NCAPD3: variants seen among roughly 807,000 people sequenced by gnomAD.
The protein encoded by NCAPD3 is condensin-2 complex subunit D3.
A neutral mutation model predicts 182.9 loss-of-function variants in NCAPD3; 105 were observed. The ratio of observed to expected loss-of-function variants is 0.57; its 90% CI spans 0.49 to 0.68. NCAPD3 has a LOEUF of 0.68. NCAPD3 is among the 30% of genes least tolerant of loss of function. The pLI is 0.00. For missense variants in NCAPD3, 1,944 were observed against 1,837.0 expected (o/e 1.06, Z -1.07); for synonymous variants, 815 against 679.9 (o/e 1.20, Z -3.09).
In NCAPD3 at chr11:134,172,014, A is replaced by G. The variant is rs1250594360; in HGVS notation, c.3102-2960T>C. Among the ~76,000 whole-genome samples, 3 of 152,160 alleles carry G rather than the reference A, an allele frequency of 2.0e-5. No homozygotes were observed. In the East Asian group the frequency reaches 5.8e-4, roughly 29 times the overall value. On this transcript the variant is annotated intron_variant, in intron 24 of 34. Transcript: ENST00000534548. The stretch of plus-strand genomic sequence containing the variant: ...CAACAAAACCAAACTCATGCCCCTC[A>G]GGAAACCTACACATAGCGTGTGGAC...
At chr11:134,168,271 A>G (rs1672638036) in intron 26 of NCAPD3, 76 bp from the exon 27 acceptor site, 2 of 1,475,174 alleles carry the variant, frequency 1.4e-6, no homozygotes, top group Admixed American at 1.7e-5. Context: ...AATTCCCACA[A>G]CTGGGGGGCC....
intron 2 of NCAPD3, among the ~76,000 whole-genome samples, chr11:134,217,564 A>C (rs918600298): frequency 2.0e-5 from 3 of 152,224 alleles, no homozygotes; most frequent in Admixed American, 6.5e-5. Context: ...GAAATGAAAG[A>C]GATCTCGGAA....
intron 16 of NCAPD3, among the ~76,000 whole-genome samples, chr11:134,190,672 T>A (rs568137546): frequency 2.0e-4 from 31 of 152,236 alleles, no homozygotes; most frequent in Admixed American, 1.7e-3. Flanking sequence ...AGACAAGGTC[T>A]CACCACATTG....
chr11:134,174,092 C>G (rs779940521), intron 24 of NCAPD3, among the ~76,000 whole-genome samples: 1 of 151,944 alleles, frequency 6.6e-6, no homozygotes, highest in East Asian at 1.9e-4. Flanking sequence ...TTAGCAGAAA[C>G]ACACGAAAAA....
chr11:134,183,060 C>T (rs1175854102), intron 19 of NCAPD3: 1 of 455,452 alleles, frequency 2.2e-6, no homozygotes, highest in East Asian at 7.0e-5. Flanking sequence ...ACAATGTAAC[C>T]ACCGTCCTAA....
intron 27 of NCAPD3, among the ~76,000 whole-genome samples, chr11:134,162,887 T>C (rs1299074455): frequency 6.6e-6 from 1 of 152,012 alleles, no homozygotes; most frequent in Non-Finnish European, 1.5e-5. Flanking sequence ...GGCAGGGTGT[T>C]AGGGAATTTA....
intron 14 of NCAPD3, 131 bp from the exon 15 acceptor site, chr11:134,194,281 T>G (rs1466931295): frequency 2.3e-6 from 2 of 876,232 alleles, no homozygotes; most frequent in Admixed American, 5.2e-5. Flanking sequence ...CCAACCTTCC[T>G]CCTCACAACA....
At chr11:134,188,442 C>A (rs192886827) in intron 16 of NCAPD3, among the ~76,000 whole-genome samples, 3 of 152,326 alleles carry the variant, frequency 2.0e-5, no homozygotes, top group African/African-American at 7.2e-5. Flanking sequence ...TCCCCTTGCA[C>A]GCTGTGGAAG....
intron 3 of NCAPD3, among the ~76,000 whole-genome samples, chr11:134,216,081 CT>C (rs1334274953): frequency 2.0e-5 from 3 of 152,114 alleles, no homozygotes; most frequent in Non-Finnish European, 4.4e-5. Context: ...AAAACCACTA[CT>C]TTTTTGAGAG....
At chr11:134,176,249 A>C in intron 24 of NCAPD3, 58 bp downstream of exon 24, 1 of 1,480,888 alleles carries the variant, frequency 6.8e-7, no homozygotes, top group Non-Finnish European at 9.4e-7. Context: ...AAAGAAATCC[A>C]GCATACATCA....
chr11:134,150,121 T>C lies in NCAPD3; in HGVS notation c.*2823A>G, dbSNP rs1209061468. The C allele has an allele frequency of 6.5e-6, 1 of 154,858 alleles. No homozygotes were observed. Among genetic ancestry groups the C allele is most frequent in the African/African-American group, 2.4e-5 (1 of 41,474 alleles). 9.6% of individuals were successfully genotyped at this position (154,858 alleles called of 1,614,324 possible). On this transcript the variant is annotated 3_prime_UTR_variant, in exon 35 of 35. Coordinates refer to ENST00000534548, the MANE Select transcript of NCAPD3 (RefSeq NM_015261.3). Reference sequence around the variant, plus strand: ...GTATTTTACCCAAGGAATCCTCTCATGGAAGTTTACTGTGATGTTCCTTTT... The same window carrying C: ...GTATTTTACCCAAGGAATCCTCTCACGGAAGTTTACTGTGATGTTCCTTTT...
At position 134,203,144 on chromosome 11, in the gene NCAPD3, G is replaced by T; in HGVS notation, c.1523C>A (p.Ser508Ter). 6.3e-7 allele frequency: 1 copy of T among 1,580,590 alleles called. No homozygotes were observed. The highest frequency in any genetic ancestry group is 8.7e-7 in the Non-Finnish European group (1 of 1,150,418). ...SHPGTLLRNSSAFSYQRQTSN... is the reference protein window; with the variant it reads ...SHPGTLLRNS ...TTGAAAATGTATTGATCCATTACCT[G>T]ATGAATTTCTCAGTAAGGTACCAGG... Residue 508 changes from serine to a stop codon, truncating the protein, a stop_gained and splice_region_variant, in exon 12 of 35, where the codon TCA becomes TAA. Transcript: ENST00000534548. LOFTEE classifies it high-confidence loss of function.
At chr11:134,206,847 G>C in intron 7 of NCAPD3, 115 bp from the exon 8 acceptor site, 4 of 1,088,184 alleles carry the variant, frequency 3.7e-6, no homozygotes, top group South Asian at 1.7e-5. Context: ...GGTCAGGCTG[G>C]CATAATTGCT....
rs180741442 is a variant in NCAPD3 at position 134,202,871 on chromosome 11, G to A, written c.1560C>T (p.Ser520=). The change falls in exon 13 of 35, where the codon TCC becomes TCT. Residue 520 remains serine, a synonymous_variant. Transcript: ENST00000534548. ...CTATGTTGATCTCCCCTGAGGGTTC[G>A]GAACGGTTAGATGTCTGCCTTTGGT... The part of the protein sequence containing the change: ...FSYQRQTSNR[S]EPSGEINIDS... 21 of 1,607,520 alleles carry A rather than the reference G, an allele frequency of 1.3e-5. No homozygotes were observed. The highest frequency in any genetic ancestry group is 6.7e-5 in the African/African-American group (5 of 74,432).
In NCAPD3 at chr11:134,197,165, C is replaced by CT. The variant is rs143373722; in HGVS notation, c.1616-2428dup. 7.2e-5 allele frequency among the ~76,000 whole-genome samples: 11 copies of CT among 152,166 alleles called. No individual in the cohort carries two copies. The South Asian group carries it at 1.0e-3, about 14-fold the overall frequency. ...TTTGGCTTTCTGCTATGATTCTAAG[C>CT]TTCCTAAAGCCTCCCCAGAAACAGA... On this transcript the variant is annotated intron_variant, in intron 13 of 34. Coordinates refer to ENST00000534548, the MANE Select transcript of NCAPD3 (RefSeq NM_015261.3).
In NCAPD3 at chr11:134,220,594, G is replaced by A. The variant is rs1938190091; in HGVS notation, c.197C>T (p.Thr66Ile). The change falls in exon 2 of 35, where the codon ACT becomes ATT. Residue 66 changes from threonine (T) to isoleucine (I), a missense_variant. Transcript: ENST00000534548. ...KLYESLLPFATGEHGSMESIW... is the reference protein window; with the variant it reads ...KLYESLLPFAIGEHGSMESIW... ...TACCTCCATAGATCCATGTTCTCCA[G>A]TAGCAAAGGGTAAAAGGCTTTCATA... is the stretch of plus-strand genomic sequence containing the variant. 1 of 1,613,480 alleles carries A rather than the reference G, an allele frequency of 6.2e-7. No individual in the cohort carries two copies. The highest frequency in any genetic ancestry group is 8.5e-7 in the Non-Finnish European group (1 of 1,179,634).
At chr11:134,180,364 G>A (rs905209397) in intron 20 of NCAPD3, among the ~76,000 whole-genome samples, 18 of 152,194 alleles carry the variant, frequency 1.2e-4, no homozygotes, top group Non-Finnish European at 2.4e-4. Flanking sequence ...AAAATGGCCC[G>A]TTTTGGTTAA....
At chr11:134,176,209 C>A in intron 24 of NCAPD3, 98 bp downstream of exon 24, 1 of 1,073,394 alleles carries the variant, frequency 9.3e-7, no homozygotes, top group South Asian at 1.5e-5. Context: ...CTCACTAAAT[C>A]CTACTTAACT....
intron 11 of NCAPD3, 147 bp downstream of exon 11, chr11:134,203,503 TTGGC>T: frequency 9.2e-7 from 1 of 1,086,858 alleles, no homozygotes; most frequent in South Asian, 1.7e-5. Flanking sequence ...AAAAAGTTAT[TTGGC>T]AAGAAAATAT....
Sources: gnomAD v4.1 joint callset for allele counts (sites outside exome capture counted in the v4.1 genomes callset) on GRCh38, gnomAD v4.1.1 for gene constraint, MANE v1.5 for transcripts, NCBI Gene and HGNC (gene_info 2026-07-23, HGNC 2026-07-21) for gene names.